Variants in STX8 observed in about 807,000 individuals in gnomAD.
STX8 encodes syntaxin 8, also known as syntaxin-8.
STX8 carries 23 observed loss-of-function variants against 37.5 expected under a neutral mutation model. That is an observed-to-expected ratio of 0.61 (90% CI 0.44 to 0.87). The LOEUF (loss-of-function observed/expected upper bound fraction) is 0.87, where lower values mean the gene tolerates loss of function less well. Among genes scored for constraint, STX8 ranks in the 40% least tolerant of loss-of-function variants. The pLI, the probability that STX8 is intolerant of heterozygous loss-of-function variation, is 0.00. For missense variants in STX8, 313 were observed against 284.7 expected (o/e 1.10, Z -0.71); for synonymous variants, 115 against 99.1 (o/e 1.16, Z -0.95).
intron 6 of STX8, among the ~76,000 whole-genome samples, chr17:9,426,072 C>G (rs540357039): frequency 6.6e-6 from 1 of 152,048 alleles, no homozygotes; most frequent in East Asian, 1.9e-4. Flanking sequence ...TGTCTTTAAT[C>G]TGATACAATG....
chr17:9,452,652 T>C (rs1031556939), intron 6 of STX8: 8 of 152,118 alleles, frequency 5.3e-5, no homozygotes, highest in East Asian at 1.9e-4. Flanking sequence ...GGTTCTCAGG[T>C]GTAGGCGAGC....
chr17:9,260,020 C>T (rs1906951059), intron 7 of STX8, among the ~76,000 whole-genome samples: 1 of 151,784 alleles, frequency 6.6e-6, no homozygotes, highest in Admixed American at 6.6e-5. Flanking sequence ...GAGTTCAAGA[C>T]TAGCCCGGGC....
intron 6 of STX8, among the ~76,000 whole-genome samples, chr17:9,451,643 C>T (rs1435225674): frequency 1.3e-5 from 2 of 151,956 alleles, no homozygotes; most frequent in African/African-American, 2.4e-5. Context: ...TCTCTAAGTT[C>T]TCCTTTCAAT....
intron 6 of STX8, among the ~76,000 whole-genome samples, chr17:9,413,953 C>T (rs1006529539): frequency 7.9e-5 from 12 of 152,046 alleles, no homozygotes; most frequent in Admixed American, 6.5e-4. Flanking sequence ...CACCTATCCA[C>T]TCAACCATCC....
chr17:9,446,848 T>A (rs1359714361), intron 6 of STX8, among the ~76,000 whole-genome samples: 1 of 152,176 alleles, frequency 6.6e-6, no homozygotes, highest in Non-Finnish European at 1.5e-5. Context: ...AACAGTTTGT[T>A]TTGTAACAAT....
At chr17:9,434,634 T>C (rs936596108) in intron 6 of STX8, among the ~76,000 whole-genome samples, 2 of 152,208 alleles carry the variant, frequency 1.3e-5, no homozygotes, top group Non-Finnish European at 1.5e-5. Flanking sequence ...CAGGCAGGCT[T>C]AGCCTGGGAG....
intron 5 of STX8, among the ~76,000 whole-genome samples, chr17:9,493,731 G>C (rs1430791692): frequency 3.3e-5 from 5 of 152,064 alleles, no homozygotes. Flanking sequence ...GAGTTCTTTT[G>C]ACCTCTTGTT....
rs576741961 is a variant in STX8 at position 9,478,412 on chromosome 17, A to T, written c.541+13417T>A. On this transcript the variant is annotated intron_variant, in intron 6 of 7. Transcript: ENST00000306357. ...TGGCCTCCCAAAGTGCTGGGATTAC[A>T]GGCTCCAGCCACTGCGCCCAGCCCT... is the stretch of plus-strand genomic sequence containing the variant. Among the ~76,000 whole-genome samples, 10 of 152,336 alleles carry T rather than the reference A, an allele frequency of 6.6e-5. No homozygotes were observed. The East Asian group carries it at 1.5e-3, about 23-fold the overall frequency.
At chr17:9,342,638 T>C (rs1010679102) in intron 7 of STX8, among the ~76,000 whole-genome samples, 13 of 152,018 alleles carry the variant, frequency 8.6e-5, no homozygotes, top group African/African-American at 2.9e-4. Context: ...GTGTTTATGA[T>C]AGTGGGGTGA....
intron 6 of STX8, among the ~76,000 whole-genome samples, chr17:9,400,172 G>C (rs1194320804): frequency 6.7e-6 from 1 of 149,118 alleles, no homozygotes; most frequent in African/African-American, 2.5e-5. Context: ...GCGCGATCTT[G>C]GCTAACTGCA....
At chr17:9,503,417 A>G (rs1451058599) in intron 5 of STX8, among the ~76,000 whole-genome samples, 4 of 152,222 alleles carry the variant, frequency 2.6e-5, no homozygotes, top group African/African-American at 9.6e-5. Context: ...AGGCATATAC[A>G]TATGTCAAAG....
chr17:9,386,569 T>TGGCAGGCG (rs1002397406), intron 6 of STX8, among the ~76,000 whole-genome samples: 2 of 151,586 alleles, frequency 1.3e-5, no homozygotes, highest in Non-Finnish European at 2.9e-5. Flanking sequence ...GGGAGGGAGC[T>TGGCAGGCG]GGCAGGCGGG....
chr17:9,495,967 T>C (rs574676666), intron 5 of STX8, among the ~76,000 whole-genome samples: 1 of 152,150 alleles, frequency 6.6e-6, no homozygotes, highest in Non-Finnish European at 1.5e-5. Flanking sequence ...GCAGGAGGAC[T>C]GCTTGAGCCC....
intron 6 of STX8, among the ~76,000 whole-genome samples, chr17:9,483,229 CCAG>C (rs1346605515): frequency 6.6e-6 from 1 of 151,980 alleles, no homozygotes; most frequent in African/African-American, 2.4e-5. Flanking sequence ...TGGCTTTATT[CCAG>C]CTTTTAGAGC....
intron 6 of STX8, among the ~76,000 whole-genome samples, chr17:9,488,064 T>C (rs1261248693): frequency 1.3e-5 from 2 of 152,068 alleles, no homozygotes; most frequent in African/African-American, 4.8e-5. Flanking sequence ...CAGTGGCTCA[T>C]GCCTGTAATC....
rs181362425 is a variant in STX8 at position 9,522,389 on chromosome 17, T to C, written c.324-17227A>G. Among the ~76,000 whole-genome samples the C allele has an allele frequency of 2.9e-3, 437 of 152,054 alleles. 3 individuals carry two copies. Among genetic ancestry groups the C allele is most frequent in the African/African-American group, 1.0e-2 (413 of 41,482 alleles). ...CACAATGCACTGGTTCTCACTCCTG[T>C]GAGGAAGCTTAAAAAAGTTTCCTAT... On this transcript the variant is annotated intron_variant, in intron 4 of 7. Transcript: ENST00000306357.
At chr17:9,273,346 G>T (rs72814142) in intron 7 of STX8, 3,918 of 152,284 alleles carry the variant, frequency 0.026, 77 homozygotes, top group Non-Finnish European at 0.039. Context: ...GAAGGGAGAG[G>T]GCTAAGAGCT....
In STX8 at chr17:9,438,748, G is replaced by GA. The variant is rs528295989; in HGVS notation, c.541+53080dup. On this transcript the variant is annotated intron_variant, in intron 6 of 7. Transcript: ENST00000306357. Reference sequence around the variant, plus strand: ...TCGAGACCATCCTGGCTAACACGGTGAAACCCCCGTCTCTATTAAAAATAC... The same window carrying GA: ...TCGAGACCATCCTGGCTAACACGGTGAAAACCCCCGTCTCTATTAAAAATAC... 5.7e-4 allele frequency among the ~76,000 whole-genome samples: 86 copies of GA among 152,058 alleles called. No homozygotes were observed. In the South Asian group the frequency reaches 0.015, roughly 26 times the overall value.
At chr17:9,403,836 C>CG (rs1912711456) in intron 6 of STX8, among the ~76,000 whole-genome samples, 1 of 151,870 alleles carries the variant, frequency 6.6e-6, no homozygotes, top group Non-Finnish European at 1.5e-5. Flanking sequence ...TTAGTAGAGA[C>CG]GGGGTTTCAC....
Sources: allele counts gnomAD v4.1 joint callset (sites outside exome capture counted in the v4.1 genomes callset), GRCh38; gene constraint gnomAD v4.1.1; transcripts MANE v1.5; gene names NCBI Gene and HGNC (gene_info 2026-07-23, HGNC 2026-07-21).